GDF10: variants seen among roughly 807,000 people sequenced by gnomAD.
GDF10 encodes the protein growth/differentiation factor 10.
In GDF10, 23 loss-of-function variants were observed where a neutral mutation model predicts 32.1. The observed-to-expected ratio is 0.72, with a 90% CI of 0.52 to 1.02. GDF10 has a LOEUF of 1.02. Among genes scored for constraint, GDF10 ranks in the 50% least tolerant of loss-of-function variants. The pLI is 0.00. For synonymous variants in GDF10, 328 were observed against 303.1 expected, an observed-to-expected ratio of 1.08 and a Z score of -0.85; for missense variants, 764 against 673.9, an observed-to-expected ratio of 1.13 and a Z score of -1.48.
Position 47,300,862 on chromosome 10 carries a change from G to T in GDF10, c.211G>T (p.Ala71Ser), listed in dbSNP as rs1555206779. 2.5e-6 allele frequency: 4 copies of T among 1,586,452 alleles called. No homozygotes were observed. The highest frequency in any genetic ancestry group is 3.4e-6 in the Non-Finnish European group (4 of 1,174,018). The change falls in exon 1 of 3, where the codon GCC (alanine) becomes TCC (serine). Residue 71 changes from alanine (A) to serine (S), a missense_variant. Coordinates refer to ENST00000580279, the MANE Select transcript of GDF10 (RefSeq NM_004962.5). ...CGCGGCCGCCACGTTGGGCCCCAGC[G>T]CCCAGGACATGGTCGCTGTCCACAT... ...GDAAATLGPS[A>S]QDMVAVHMHR...
chr10:47,312,596 T>C lies in GDF10; in HGVS notation c.1246-5T>C. The C allele has an allele frequency of 1.1e-5, 17 of 1,572,496 alleles. No homozygotes were observed. The highest frequency in any genetic ancestry group is 1.5e-5 in the Non-Finnish European group (17 of 1,157,252). ...AGGTAACCCTACTCCTTTTCTGCCT[T>C]GCAGATCGTTCGTCCATCCAACCAT... On this transcript the variant is annotated splice_region_variant and splice_polypyrimidine_tract_variant and intron_variant, in intron 2 of 2. Transcript: ENST00000580279.
Position 47,310,251 on chromosome 10 carries a change from G to A in GDF10, c.775G>A (p.Val259Met), listed in dbSNP as rs781954936. 5 of 1,609,284 alleles carry A rather than the reference G, an allele frequency of 3.1e-6. No homozygotes were observed. The African/African-American group carries it at 6.7e-5, about 21-fold the overall frequency. ...TCTGGCCATCTCGGAGCCCAACAGCGTGGCAGTGACGCTGCAGAGATACGA... is the reference window on the plus strand; with the variant it reads ...TCTGGCCATCTCGGAGCCCAACAGCATGGCAGTGACGCTGCAGAGATACGA... ...NDLAISEPNSVAVTLQRYDPF... is the reference protein window; with the variant it reads ...NDLAISEPNSMAVTLQRYDPF... The change falls in exon 2 of 3, where the codon GTG becomes ATG. Residue 259 changes from valine to methionine, a missense_variant. Transcript: ENST00000580279.
intron 1 of GDF10, among the ~76,000 whole-genome samples, chr10:47,306,940 G>T (rs1421933621): frequency 1.3e-5 from 2 of 152,288 alleles, no homozygotes; most frequent in East Asian, 3.9e-4. Flanking sequence ...TTGGTAAGGG[G>T]TTGAGTTTTA....
At chr10:47,305,871 T>G (rs782326691) in intron 1 of GDF10, among the ~76,000 whole-genome samples, 1 of 152,066 alleles carries the variant, frequency 6.6e-6, no homozygotes, top group Non-Finnish European at 1.5e-5. Flanking sequence ...TCTTAGGGAG[T>G]CAGAACTCAA....
rs782549920 is a variant in GDF10 at position 47,309,815 on chromosome 10, C to T, written c.339C>T (p.Ala113=). Residue 113 remains alanine (A), a synonymous_variant, in exon 2 of 3, where the codon GCC becomes GCT. Coordinates refer to ENST00000580279, the MANE Select transcript of GDF10 (RefSeq NM_004962.5). The part of the protein sequence containing the change: ...RARLEVVDQK[A]VYFFNLTSMQ... ...TCACAGAAGTGGTCGACCAGAAGGC[C>T]GTGTATTTCTTCAACCTGACTTCCA... 36 of 1,609,534 alleles carry T rather than the reference C, an allele frequency of 2.2e-5. No homozygotes were observed. Among genetic ancestry groups the T allele is most frequent in the Non-Finnish European group, 2.2e-5 (26 of 1,177,192 alleles).
intron 2 of GDF10, 92 bp from the exon 3 acceptor site, chr10:47,312,509 G>A (rs868991140): frequency 4.4e-6 from 3 of 682,972 alleles, no homozygotes; most frequent in Non-Finnish European, 7.1e-6. Flanking sequence ...AACAACAGCA[G>A]AGCAGTATGG....
rs201648833 is a variant in GDF10, at chr10:47,312,787, C to G, written c.1432C>G (p.Arg478Gly). 1 of 1,569,190 alleles carries G rather than the reference C, an allele frequency of 6.4e-7. No individual in the cohort carries two copies. The highest frequency in any genetic ancestry group is 8.7e-7 in the Non-Finnish European group (1 of 1,155,138). The change falls in exon 3 of 3, where the codon CGG (arginine) becomes GGG (glycine). Residue 478 changes from arginine (R) to glycine (G), a missense_variant. Transcript: ENST00000580279. ...PNMSVDTCAC[R>G] ...CATGTCCGTGGACACCTGTGCCTGC[C>G]GGTGAGACCACTCCAGGGTGGAAAG...
intron 1 of GDF10, among the ~76,000 whole-genome samples, chr10:47,306,356 C>T (rs2061023044): frequency 6.6e-6 from 1 of 152,234 alleles, no homozygotes; most frequent in South Asian, 2.1e-4. Flanking sequence ...AATGAGGATT[C>T]CTTGACTTCT....
At chr10:47,309,397 C>T (rs1555207359) in intron 1 of GDF10, among the ~76,000 whole-genome samples, 1 of 152,226 alleles carries the variant, frequency 6.6e-6, no homozygotes, top group Non-Finnish European at 1.5e-5. Context: ...CAACCCAAGC[C>T]ATCCTGAGCA....
chr10:47,300,866 A>C lies in GDF10; in HGVS notation c.215A>C (p.Gln72Pro). Residue 72 changes from glutamine (Q) to proline (P), a missense_variant, in exon 1 of 3, where the codon CAG (glutamine) becomes CCG (proline). By Grantham distance (76) the Gln-to-Pro change is moderately conservative (BLOSUM62 -1). Coordinates refer to ENST00000580279, the MANE Select transcript of GDF10 (RefSeq NM_004962.5). Reference protein sequence around the residue: ...DAAATLGPSAQDMVAVHMHRL... With the variant: ...DAAATLGPSAPDMVAVHMHRL... ...GCCGCCACGTTGGGCCCCAGCGCCC[A>C]GGACATGGTCGCTGTCCACATGCAC... is the stretch of plus-strand genomic sequence containing the variant. 1 of 1,587,816 alleles carries C rather than the reference A, an allele frequency of 6.3e-7. No individual in the cohort carries two copies. Among genetic ancestry groups the C allele is most frequent in the Non-Finnish European group, 8.5e-7 (1 of 1,174,778 alleles).
At chr10:47,302,372 G>A (rs146914665) in intron 1 of GDF10, among the ~76,000 whole-genome samples, 1 of 152,178 alleles carries the variant, frequency 6.6e-6, no homozygotes, top group Non-Finnish European at 1.5e-5. Context: ...ACAAATAATC[G>A]TGCTAAGTAT....
In GDF10 at chr10:47,300,765, C is replaced by G. The variant is rs1555206760; in HGVS notation, c.114C>G (p.Pro38=). 1.1e-5 allele frequency: 17 copies of G among 1,570,202 alleles called. No individual in the cohort carries two copies. Among genetic ancestry groups the G allele is most frequent in the Non-Finnish European group, 1.4e-5 (16 of 1,162,590 alleles). Residue 38 remains proline, a synonymous_variant, in exon 1 of 3, where the codon CCC becomes CCG. Coordinates refer to ENST00000580279, the MANE Select transcript of GDF10 (RefSeq NM_004962.5). Reference sequence around the variant, plus strand: ...ATGTGGCCGGCAGCCACAGGGCCCCCGCCTGGTCCGCACTGCCCGCGGCCG... The same window carrying G: ...ATGTGGCCGGCAGCCACAGGGCCCCGGCCTGGTCCGCACTGCCCGCGGCCG... ...LRDVAGSHRA[P]AWSALPAAAD...
intron 1 of GDF10, among the ~76,000 whole-genome samples, chr10:47,308,541 G>A (rs782644867): frequency 1.3e-5 from 2 of 151,718 alleles, no homozygotes; most frequent in Non-Finnish European, 2.9e-5. Flanking sequence ...AAGAGAAAGT[G>A]GAATATTTCT....
At chr10:47,308,779 A>C (rs1043624251) in intron 1 of GDF10, among the ~76,000 whole-genome samples, 17 of 152,140 alleles carry the variant, frequency 1.1e-4, no homozygotes, top group African/African-American at 4.1e-4. Flanking sequence ...AGTGTGCGGC[A>C]TCCTAGGGAG....
At position 47,302,539 on chromosome 10, in the gene GDF10, G is replaced by A. The variant is rs578055252; in HGVS notation, c.319+1569G>A. ...ACTTGCTGCAGCCAGGCATGGAGAT[G>A]CCTTCTTGTGTCATTCTGTTTTCAC... is the stretch of plus-strand genomic sequence containing the variant. On this transcript the variant is annotated intron_variant, in intron 1 of 2. Coordinates refer to ENST00000580279, the MANE Select transcript of GDF10 (RefSeq NM_004962.5). 2.6e-4 allele frequency among the ~76,000 whole-genome samples: 39 copies of A among 152,342 alleles called. No homozygotes were observed. In the East Asian group the frequency reaches 4.1e-3, roughly 16 times the overall value.
At chr10:47,300,999 C>T in intron 1 of GDF10, 29 bp downstream of exon 1, 1 of 1,351,620 alleles carries the variant, frequency 7.4e-7, no homozygotes, top group Non-Finnish European at 9.7e-7. Flanking sequence ...AGGACCCCTT[C>T]TCCTCATTCT....
In GDF10 at chr10:47,310,529, C is replaced by G. The variant is rs149314761; in HGVS notation, c.1053C>G (p.Ala351=). 9.9e-5 allele frequency: 160 copies of G among 1,613,930 alleles called. 1 individual carries two copies. The African/African-American group carries it at 1.9e-3, about 19-fold the overall frequency. ...RKKGQEVFMA[A]SQVLDFDEKT... ...AGGGCCAGGAGGTGTTCATGGCCGC[C>G]TCGCAGGTGCTGGACTTTGACGAGA... Residue 351 remains alanine (A), a synonymous_variant, in exon 2 of 3, where the codon GCC becomes GCG. Transcript: ENST00000580279.
chr10:47,301,232 A>G (rs1460210410), intron 1 of GDF10, among the ~76,000 whole-genome samples: 3 of 152,214 alleles, frequency 2.0e-5, no homozygotes, highest in South Asian at 2.1e-4. Flanking sequence ...CCCCATACAC[A>G]AGGCTGTAAG....
chr10:47,308,775 C>A (rs2061032178), intron 1 of GDF10, among the ~76,000 whole-genome samples: 1 of 152,098 alleles, frequency 6.6e-6, no homozygotes, highest in African/African-American at 2.4e-5. Context: ...TGTTAGTGTG[C>A]GGCATCCTAG....
Sources: allele counts gnomAD v4.1 joint callset (sites outside exome capture counted in the v4.1 genomes callset), GRCh38; gene constraint gnomAD v4.1.1; transcripts MANE v1.5; gene names NCBI Gene and HGNC (gene_info 2026-07-23, HGNC 2026-07-21).